Variants in SEC16B observed in about 807,000 individuals in gnomAD.
SEC16B encodes SEC16 homolog B, endoplasmic reticulum export factor.
Under a neutral mutation model 141.8 loss-of-function variants are expected in SEC16B, and 115 were observed. The observed-to-expected ratio is 0.81, with a 90% CI of 0.70 to 0.95. SEC16B has a LOEUF of 0.95. Ranked by LOEUF, SEC16B falls within the 40% of genes least tolerant of loss-of-function variation. The pLI is 0.00. For missense variants in SEC16B, 1,291 were observed against 1,312.3 expected (o/e 0.98, Z 0.25); for synonymous variants, 493 against 492.5 (o/e 1.00, Z -0.01).
In SEC16B at chr1:177,948,555, C is replaced by A. The variant is rs1457925011; in HGVS notation, c.1546-613G>T. On this transcript the variant is annotated intron_variant, in intron 12 of 25. Coordinates refer to ENST00000308284, the MANE Select transcript of SEC16B (RefSeq NM_033127.4). The stretch of plus-strand genomic sequence containing the variant: ...GAGGCAGCAGAATTCCACCAGGGGG[C>A]AAAAAAGAGTAAGCAGCGTGGTGGA... 5.4e-6 allele frequency: 7 copies of A among 1,303,188 alleles called. 1 individual carries two copies. Among genetic ancestry groups the A allele is most frequent in the Non-Finnish European group, 7.1e-6 (7 of 988,710 alleles). The allele number at this position is 1,303,188 out of a possible 1,614,324, so 80.7% of individuals were successfully genotyped here.
At position 177,954,276 on chromosome 1, in the gene SEC16B, C is replaced by T. The variant is rs752072036; in HGVS notation, c.1463+3G>A. ...TGGCCTCTTTTGTTAAGTCCTGACTCACCCACTCATGACCCAGCTGTAGGT... is the reference window on the plus strand; with the variant it reads ...TGGCCTCTTTTGTTAAGTCCTGACTTACCCACTCATGACCCAGCTGTAGGT... On this transcript the variant is annotated splice_donor_region_variant and intron_variant, in intron 11 of 25. Coordinates refer to ENST00000308284, the MANE Select transcript of SEC16B (RefSeq NM_033127.4). The T allele has an allele frequency of 2.6e-6, 4 of 1,560,040 alleles. No homozygotes were observed. The highest frequency in any genetic ancestry group is 3.5e-6 in the Non-Finnish European group (4 of 1,151,110).
rs1477937766 is a variant in SEC16B, at chr1:177,946,410, G to T, written c.1775+10C>A. ...TGTCCTTACTGTTTCCTTTCTCCCA[G>T]GTCGCATACCTGTGGCTGCTGCCCA... On this transcript the variant is annotated intron_variant, in intron 14 of 25. Coordinates refer to ENST00000308284, the MANE Select transcript of SEC16B (RefSeq NM_033127.4). The T allele has an allele frequency of 6.5e-7, 1 of 1,543,768 alleles. No homozygotes were observed. The highest frequency in any genetic ancestry group is 8.8e-7 in the Non-Finnish European group (1 of 1,137,618).
chr1:177,936,464 C>T, intron 19 of SEC16B, 99 bp from the exon 20 acceptor site: 1 of 1,052,468 alleles, frequency 9.5e-7, no homozygotes, highest in Non-Finnish European at 1.4e-6. Context: ...TTCTTAACTG[C>T]AGCAGAAGCT....
chr1:177,958,317 T>G lies in SEC16B; in HGVS notation c.1180A>C (p.Lys394Gln). 1.9e-6 allele frequency: 3 copies of G among 1,609,390 alleles called. 1 individual carries two copies. The highest frequency in any genetic ancestry group is 3.3e-5 in the Admixed American group (2 of 59,708). The change falls in exon 10 of 26, where the codon AAG becomes CAG. Residue 394 changes from lysine to glutamine, a missense_variant. By Grantham distance (53) the Lys-to-Gln change is moderately conservative. Around this residue, in one of 3 missense-constraint regions of SEC16B, gnomAD observed 681 missense variants for 675.5 expected, o/e 1.01. Coordinates refer to ENST00000308284, the MANE Select transcript of SEC16B (RefSeq NM_033127.4). The stretch of plus-strand genomic sequence containing the variant: ...TGCCGCTTGTACTTCTCCAGCTTCT[T>G]GCAGTCTTGCATTAGCAGCTCAGCG... ...DIAELLMQDC[K>Q]KLEKYKRQPP...
chr1:177,966,398 C>T (rs1476735048), intron 2 of SEC16B, among the ~76,000 whole-genome samples: 4 of 152,084 alleles, frequency 2.6e-5, no homozygotes, highest in Non-Finnish European at 4.4e-5. Context: ...AATACACCAC[C>T]GTAATTTCCA....
At chr1:177,952,973 C>T (rs1246243325) in intron 11 of SEC16B, among the ~76,000 whole-genome samples, 1 of 151,626 alleles carries the variant, frequency 6.6e-6, no homozygotes, top group Non-Finnish European at 1.5e-5. Flanking sequence ...AGCCATTAGG[C>T]CCCCGGACTG....
At chr1:177,942,912 C>G (rs1000551287) in intron 15 of SEC16B, among the ~76,000 whole-genome samples, 3 of 152,146 alleles carry the variant, frequency 2.0e-5, no homozygotes, top group Non-Finnish European at 4.4e-5. Context: ...ACTACTACTA[C>G]CTACTCCCTT....
chr1:177,959,595 A>G (rs1370863612), intron 8 of SEC16B: 1 of 158,138 alleles, frequency 6.3e-6, no homozygotes, highest in Admixed American at 6.1e-5. Context: ...GTCAAATGCC[A>G]TTTGAGGAAT....
chr1:177,963,034 G>A (rs1653204134), intron 5 of SEC16B, among the ~76,000 whole-genome samples: 1 of 151,792 alleles, frequency 6.6e-6, no homozygotes, highest in Non-Finnish European at 1.5e-5. Flanking sequence ...CTTGAACCAG[G>A]GAGGCGGAGG....
chr1:177,980,516 C>A (rs192260119), intron 1 of SEC16B, among the ~76,000 whole-genome samples: 1 of 152,140 alleles, frequency 6.6e-6, no homozygotes, highest in Non-Finnish European at 1.5e-5. Context: ...CCCAGGAGTA[C>A]TTTATTATTG....
rs191357540 is a variant in SEC16B, at chr1:177,942,016, G to A, written c.1906C>T (p.Arg636Cys). ...FQVYKLLYAS[R>C]LADYGLVSQA... ...GACACGAGGCCATAATCTGCCAGAC[G>A]GGAAGCATAAAGGAGCTTATACACC... is the stretch of plus-strand genomic sequence containing the variant. Residue 636 changes from arginine (R) to cysteine (C), a missense_variant, in exon 16 of 26, where the codon CGT (arginine) becomes TGT (cysteine). By Grantham distance (180) the Arg-to-Cys change is radical. Around this residue, in one of 3 missense-constraint regions of SEC16B, gnomAD observed 605 missense variants for 614.1 expected, o/e 0.99. Transcript: ENST00000308284. The A allele has an allele frequency of 8.4e-5, 135 of 1,613,874 alleles. No homozygotes were observed. Among genetic ancestry groups the A allele is most frequent in the Admixed American group, 1.2e-4 (7 of 60,004 alleles).
intron 22 of SEC16B, among the ~76,000 whole-genome samples, 161 bp from the exon 23 acceptor site, chr1:177,932,967 T>A (rs1650559424): frequency 6.6e-6 from 1 of 152,094 alleles, no homozygotes; most frequent in Non-Finnish European, 1.5e-5. Context: ...TGCTCAACAA[T>A]CCACACTAGC....
In SEC16B at chr1:177,933,677, C is replaced by T. The variant is rs769359586; in HGVS notation, c.2572-41G>A. 1.4e-5 allele frequency: 23 copies of T among 1,607,398 alleles called. No individual in the cohort carries two copies. The South Asian group carries it at 2.2e-4, about 15-fold the overall frequency. On this transcript the variant is annotated intron_variant, in intron 20 of 25. Transcript: ENST00000308284. ...TAACTCACATTTGCATGGCACTTGA[C>T]AGGTTACCAAACACATTTGCACATA... is the stretch of plus-strand genomic sequence containing the variant.
intron 9 of SEC16B, 135 bp downstream of exon 9, chr1:177,958,705 C>G (rs1652821350): frequency 8.7e-7 from 1 of 1,142,908 alleles, no homozygotes. Context: ...GACATTTGAG[C>G]AATTTTTTCC....
chr1:177,961,809 C>T, intron 5 of SEC16B, 75 bp from the exon 6 acceptor site: 3 of 1,334,000 alleles, frequency 2.2e-6, no homozygotes, highest in Non-Finnish European at 3.2e-6. Flanking sequence ...TTCAAAGAAA[C>T]AAAATACATA....
chr1:177,954,347 G>A lies in SEC16B; in HGVS notation c.1395C>T (p.His465=). ...KEALEWAMKN[H]LWGHALFLSS... ...ACAGGAACAAAGCATGGCCCCACAA[G>A]TGGTTCTTCATGGCCCACTCCAAGG... The change falls in exon 11 of 26, where the codon CAC becomes CAT. Residue 465 remains histidine (H), a synonymous_variant. Coordinates refer to ENST00000308284, the MANE Select transcript of SEC16B (RefSeq NM_033127.4). 6.3e-7 allele frequency: 1 copy of A among 1,575,574 alleles called. No individual in the cohort carries two copies. The highest frequency in any genetic ancestry group is 1.2e-5 in the South Asian group (1 of 85,524).
At chr1:177,951,256 A>C (rs61816279) in intron 12 of SEC16B, among the ~76,000 whole-genome samples, 6,183 of 152,286 alleles carry the variant, frequency 0.041, 153 homozygotes, top group Middle Eastern at 0.061. Context: ...TTAAAAGGGC[A>C]TGCTATATAT....
At chr1:177,976,972 C>T (rs1311000980) in intron 1 of SEC16B, among the ~76,000 whole-genome samples, 1 of 152,200 alleles carries the variant, frequency 6.6e-6, no homozygotes, top group Non-Finnish European at 1.5e-5. Flanking sequence ...GCTTCTCACA[C>T]TGGAGTACTT....
At chr1:177,965,571 C>T (rs1653451955) in intron 3 of SEC16B, among the ~76,000 whole-genome samples, 1 of 152,136 alleles carries the variant, frequency 6.6e-6, no homozygotes, top group Admixed American at 6.5e-5. Flanking sequence ...CAGCAGATGT[C>T]CTTAAGAACT....
Sources: allele counts gnomAD v4.1 joint callset (sites outside exome capture counted in the v4.1 genomes callset), GRCh38; gene constraint gnomAD v4.1.1; regional missense constraint gnomAD v4.1.1; transcripts MANE v1.5; gene names NCBI Gene and HGNC (gene_info 2026-07-23, HGNC 2026-07-21).